Variants in SCAP observed in about 807,000 individuals in gnomAD.
SCAP encodes the protein sterol regulatory element-binding protein cleavage-activating protein.
SCAP carries 65 observed loss-of-function variants against 123.6 expected under a neutral mutation model. The ratio of observed to expected loss-of-function variants is 0.53; its 90% CI spans 0.43 to 0.65. The LOEUF (loss-of-function observed/expected upper bound fraction) is 0.65. SCAP is among the 30% of genes least tolerant of loss of function. SCAP has a pLI of 0.00. For synonymous variants in SCAP, 740 were observed against 726.3 expected (o/e 1.02, Z -0.30); for missense variants, 1,398 against 1,712.5 (o/e 0.82, Z 3.24).
chr3:47,430,369 A>G (rs554728984), intron 3 of SCAP, among the ~76,000 whole-genome samples: 1 of 152,216 alleles, frequency 6.6e-6, no homozygotes, highest in African/African-American at 2.4e-5. Flanking sequence ...TGCAACCCTC[A>G]GTAACAGGCA....
chr3:47,466,129 TAAAAACCAAA>T (rs1354363507), intron 1 of SCAP, among the ~76,000 whole-genome samples: 4 of 62,316 alleles, frequency 6.4e-5, no homozygotes, highest in South Asian at 4.3e-4. Context: ...GAGACTGTCT[TAAAAACCAAA>T]AAAAAAAAAA....
At chr3:47,422,305 T>C (rs1705936786) in intron 10 of SCAP, 137 bp downstream of exon 10, 1 of 717,196 alleles carries the variant, frequency 1.4e-6, no homozygotes, top group Non-Finnish European at 2.3e-6. Context: ...AGTGATCTGC[T>C]TGCCAGGCAA....
intron 1 of SCAP, among the ~76,000 whole-genome samples, chr3:47,470,353 A>G (rs960287389): frequency 3.9e-5 from 6 of 152,224 alleles, no homozygotes; most frequent in African/African-American, 1.4e-4. Flanking sequence ...GAGGAAGAAG[A>G]CTGGCACTAG....
intron 1 of SCAP, among the ~76,000 whole-genome samples, chr3:47,445,520 C>T (rs148204907): frequency 5.9e-5 from 9 of 152,140 alleles, no homozygotes; most frequent in Non-Finnish European, 1.2e-4. Context: ...GCTGGGATTA[C>T]AGGCATGAGC....
At chr3:47,462,607 G>C (rs191827999) in intron 1 of SCAP, among the ~76,000 whole-genome samples, 1 of 152,128 alleles carries the variant, frequency 6.6e-6, no homozygotes, top group East Asian at 1.9e-4. Context: ...CAAAAAATTA[G>C]CCGGGCGTGG....
chr3:47,425,630 G>C lies in SCAP; in HGVS notation c.911-19C>G. 1 of 1,612,956 alleles carries C rather than the reference G, an allele frequency of 6.2e-7. No individual in the cohort carries two copies. The highest frequency in any genetic ancestry group is 8.5e-7 in the Non-Finnish European group (1 of 1,179,554). Reference sequence around the variant, plus strand: ...ATCTTCCCTGGAGGGCAGAGAGGGCGTATCAGGGCGGCCCCTCCCCCAGCC... The same window carrying C: ...ATCTTCCCTGGAGGGCAGAGAGGGCCTATCAGGGCGGCCCCTCCCCCAGCC... On this transcript the variant is annotated intron_variant, in intron 7 of 22. Coordinates refer to ENST00000265565, the MANE Select transcript of SCAP (RefSeq NM_012235.4).
chr3:47,472,446 A>G (rs1048909629), intron 1 of SCAP, among the ~76,000 whole-genome samples: 1 of 78,560 alleles, frequency 1.3e-5, no homozygotes, highest in Admixed American at 1.9e-4. Context: ...GTCTCAAAAA[A>G]AAAAAATAAA....
Position 47,419,525 on chromosome 3 carries a change from T to C in SCAP, c.1743A>G (p.Pro581=), listed in dbSNP as rs1705796010. The C allele has an allele frequency of 6.2e-7, 1 of 1,613,606 alleles. No individual in the cohort carries two copies. Among genetic ancestry groups the C allele is most frequent in the South Asian group, 1.1e-5 (1 of 91,056 alleles). Residue 581 remains proline (P), a synonymous_variant, in exon 13 of 23, where the codon CCA becomes CCG. Coordinates refer to ENST00000265565, the MANE Select transcript of SCAP (RefSeq NM_012235.4). This position sits in a 1 kb window ranked among gnomAD's most constrained non-coding sequence, Gnocchi z 5.0. The stretch of plus-strand genomic sequence containing the variant: ...TCTCAGGTAGCTTAGGGGCATCAGG[T>C]GGGAAGATGGAGAAGGCAGGGTCCG... ...SHPDPAFSIF[P]PDAPKLPENQ...
intron 1 of SCAP, chr3:47,469,917 T>C: frequency 2.1e-6 from 1 of 473,668 alleles, no homozygotes; most frequent in Non-Finnish European, 4.2e-6. Context: ...CCTTGACCTC[T>C]TAGTTCACTG....
Position 47,427,480 on chromosome 3 carries a change from GC to G in SCAP, c.597del (p.Glu199AspfsTer25), listed in dbSNP as rs1196040729. On this transcript the variant is annotated frameshift_variant, in exon 5 of 23. Transcript: ENST00000265565. LOFTEE classifies it high-confidence loss of function. Reference sequence around the variant, plus strand: ...GTGGCTGAAGTCTGCAGGGTTTTAGGCTCGTGCTGGTGGATGGTCCCAATGA... The same window carrying G: ...GTGGCTGAAGTCTGCAGGGTTTTAGGTCGTGCTGGTGGATGGTCCCAATGA... ...PDIIGTIHQH[E>X]PKTLQTSATL... 1.2e-6 allele frequency: 2 copies of G among 1,614,192 alleles called. No homozygotes were observed. Among genetic ancestry groups the G allele is most frequent in the Non-Finnish European group, 8.5e-7 (1 of 1,180,040 alleles).
At chr3:47,449,215 G>A (rs1707162605) in intron 1 of SCAP, among the ~76,000 whole-genome samples, 1 of 59,554 alleles carries the variant, frequency 1.7e-5, no homozygotes, top group African/African-American at 4.7e-5. Context: ...TAGTTCTGAG[G>A]AACAGCCCAA....
chr3:47,474,464 A>G (rs1332204013), intron 1 of SCAP, among the ~76,000 whole-genome samples: 2 of 152,044 alleles, frequency 1.3e-5, no homozygotes, highest in Non-Finnish European at 1.5e-5. Flanking sequence ...TGTGTAAAAC[A>G]CCTAAAATGT....
chr3:47,423,305 C>T (rs765343915), intron 9 of SCAP, among the ~76,000 whole-genome samples: 2 of 152,210 alleles, frequency 1.3e-5, no homozygotes, highest in African/African-American at 4.8e-5. Context: ...TTCTGGCAGC[C>T]GTGAAGGCAG....
Position 47,435,025 on chromosome 3 carries a change from T to C in SCAP, c.235A>G (p.Thr79Ala), listed in dbSNP as rs951796392. The C allele has an allele frequency of 5.0e-6, 8 of 1,614,006 alleles. No homozygotes were observed. The highest frequency in any genetic ancestry group is 1.3e-5 in the African/African-American group (1 of 74,902). Reference protein sequence around the residue: ...VDSDRKQGEPTEQPEWYVGAP... With the variant: ...VDSDRKQGEPAEQPEWYVGAP... ...GTACCCACCCACTCAGGCTGCTCAG[T>C]AGGCTCTCCTTGTTTGCGGTCAGAG... Residue 79 changes from threonine to alanine, a missense_variant, in exon 3 of 23, where the codon ACT becomes GCT. Physicochemically the swap from Thr to Ala is moderately conservative, Grantham distance 58 (BLOSUM62 0). Coordinates refer to ENST00000265565, the MANE Select transcript of SCAP (RefSeq NM_012235.4).
intron 1 of SCAP, among the ~76,000 whole-genome samples, chr3:47,446,007 CT>C (rs760714956): frequency 2.7e-5 from 4 of 150,362 alleles, no homozygotes; most frequent in Non-Finnish European, 5.9e-5. Context: ...TCCTGAGTAG[CT>C]GGAATTACAG....
chr3:47,462,771 AAAAG>A (rs1285401601), intron 1 of SCAP, among the ~76,000 whole-genome samples: 8 of 143,596 alleles, frequency 5.6e-5, no homozygotes, highest in South Asian at 4.3e-4. Flanking sequence ...AAAAAAAAAA[AAAAG>A]AAAGAAAGAA....
At chr3:47,428,377 C>T (rs1706228090) in intron 4 of SCAP, 136 bp downstream of exon 4, 1 of 942,642 alleles carries the variant, frequency 1.1e-6, no homozygotes, top group African/African-American at 1.6e-5. Flanking sequence ...AAATTCAAGG[C>T]TAGCTCACCC....
chr3:47,427,336 C>T, intron 5 of SCAP, 74 bp from the exon 6 acceptor site: 4 of 1,541,190 alleles, frequency 2.6e-6, no homozygotes, highest in Non-Finnish European at 3.6e-6. Flanking sequence ...CCCTTTCTCA[C>T]CCCCACCCTG....
intron 3 of SCAP, 171 bp downstream of exon 3, chr3:47,434,837 C>CAA: frequency 1.1e-5 from 8 of 757,166 alleles, no homozygotes; most frequent in Non-Finnish European, 1.4e-5. Context: ...AACTCCATCT[C>CAA]AAAAAAAAAT....
Sources: allele counts gnomAD v4.1 joint callset (sites outside exome capture counted in the v4.1 genomes callset), GRCh38; gene constraint gnomAD v4.1.1; non-coding constraint Gnocchi (gnomAD v3.1); transcripts MANE v1.5; gene names NCBI Gene and HGNC (gene_info 2026-07-23, HGNC 2026-07-21).